PTPRT: variants seen among roughly 807,000 people sequenced by gnomAD.
The protein encoded by PTPRT is receptor-type tyrosine-protein phosphatase T.
PTPRT carries 56 observed loss-of-function variants against 176.8 expected under a neutral mutation model. That is an observed-to-expected ratio of 0.32 (90% CI 0.26 to 0.40). PTPRT has a LOEUF of 0.40. Ranked by LOEUF, PTPRT falls within the 10% of genes least tolerant of loss-of-function variation. PTPRT has a pLI of 1.00. For synonymous variants in PTPRT, 783 were observed against 739.0 expected, an observed-to-expected ratio of 1.06 and a Z score of -0.96; for missense variants, 1,540 against 1,908.2, an observed-to-expected ratio of 0.81 and a Z score of 3.60.
At chr20:42,597,160 A>C (rs2073685507) in intron 7 of PTPRT, among the ~76,000 whole-genome samples, 1 of 152,158 alleles carries the variant, frequency 6.6e-6, no homozygotes, top group Non-Finnish European at 1.5e-5. Flanking sequence ...TTGCAGCTGC[A>C]GACTTTTTGA....
At chr20:42,282,590 G>T (rs2057158919) in intron 12 of PTPRT, 65 bp from the exon 13 acceptor site, 5 of 1,281,966 alleles carry the variant, frequency 3.9e-6, no homozygotes, top group Admixed American at 1.9e-5. Context: ...GTTATATAAA[G>T]ACAAAAATAC....
rs545422320 is a variant in PTPRT at position 42,076,711 on chromosome 20, G to C, written c.*4168C>G. On this transcript the variant is annotated 3_prime_UTR_variant, in exon 31 of 31. Transcript: ENST00000373187. ...CCGTCATAGCGGGGTGAACAGAACAGAACAACATGAGGAACAGAGCACATT... is the reference window on the plus strand; with the variant it reads ...CCGTCATAGCGGGGTGAACAGAACACAACAACATGAGGAACAGAGCACATT... 5.0e-6 allele frequency: 1 copy of C among 198,680 alleles called. No homozygotes were observed. Among genetic ancestry groups the C allele is most frequent in the African/African-American group, 2.5e-5 (1 of 40,664 alleles). 12.3% of individuals were successfully genotyped at this position (198,680 alleles called of 1,614,324 possible). A position where few individuals can be genotyped will look rare whatever the true frequency, so the allele number is the denominator to read the frequency against.
chr20:42,913,580 C>T (rs1444860513), intron 1 of PTPRT, among the ~76,000 whole-genome samples: 1 of 152,120 alleles, frequency 6.6e-6, no homozygotes, highest in Admixed American at 6.5e-5. Flanking sequence ...TTCTGAGTTA[C>T]TGGGGATTAG....
chr20:42,931,567 T>C (rs902054309), intron 1 of PTPRT, among the ~76,000 whole-genome samples: 1 of 152,172 alleles, frequency 6.6e-6, no homozygotes, highest in Non-Finnish European at 1.5e-5. Flanking sequence ...GGTAAGGAGA[T>C]GGTTCTGCTC....
At chr20:42,909,927 G>A (rs149170809) in intron 1 of PTPRT, among the ~76,000 whole-genome samples, 112 of 152,256 alleles carry the variant, frequency 7.4e-4, no homozygotes, top group African/African-American at 2.6e-3. Flanking sequence ...GTTAAAATTT[G>A]CTGATGCCAA....
chr20:42,122,276 T>G (rs1343266521), intron 19 of PTPRT, among the ~76,000 whole-genome samples: 2 of 152,234 alleles, frequency 1.3e-5, no homozygotes, highest in African/African-American at 4.8e-5. Flanking sequence ...ATTCTAAGAT[T>G]TAACATATAT....
intron 6 of PTPRT, among the ~76,000 whole-genome samples, chr20:42,735,705 T>G (rs2076529645): frequency 6.6e-6 from 1 of 151,946 alleles, no homozygotes; most frequent in African/African-American, 2.4e-5. Flanking sequence ...AGGCAGTGGC[T>G]GCAGCTCCTG....
chr20:42,746,199 A>G (rs1465666093), intron 6 of PTPRT, among the ~76,000 whole-genome samples: 5 of 152,226 alleles, frequency 3.3e-5, no homozygotes, highest in African/African-American at 1.2e-4. Context: ...TTTTAAAAAT[A>G]AGCTGGTCTT....
intron 13 of PTPRT, among the ~76,000 whole-genome samples, chr20:42,275,567 T>C (rs1472489430): frequency 6.6e-6 from 1 of 151,674 alleles, no homozygotes; most frequent in Non-Finnish European, 1.5e-5. Context: ...GGTATGGAAG[T>C]GGGGTATGGA....
At chr20:42,177,118 C>T (rs1990326121) in intron 16 of PTPRT, among the ~76,000 whole-genome samples, 1 of 152,196 alleles carries the variant, frequency 6.6e-6, no homozygotes, top group African/African-American at 2.4e-5. Context: ...TAGACCAATG[C>T]TTCTCAAGGT....
At chr20:43,165,597 A>C (rs1342439880) in intron 1 of PTPRT, among the ~76,000 whole-genome samples, 1 of 152,174 alleles carries the variant, frequency 6.6e-6, no homozygotes, top group Non-Finnish European at 1.5e-5. Context: ...ACCTAGTCTC[A>C]GGTATTGCTT....
intron 9 of PTPRT, among the ~76,000 whole-genome samples, chr20:42,364,180 T>C (rs534397830): frequency 1.3e-5 from 2 of 152,282 alleles, no homozygotes; most frequent in East Asian, 3.9e-4. Context: ...AGAGGCCAAG[T>C]CAGGGATCAG....
At chr20:42,597,701 C>T (rs1234323662) in intron 7 of PTPRT, among the ~76,000 whole-genome samples, 1 of 152,164 alleles carries the variant, frequency 6.6e-6, no homozygotes, top group Non-Finnish European at 1.5e-5. Flanking sequence ...TGCCATGCTT[C>T]CTGTACAGCC....
intron 6 of PTPRT, among the ~76,000 whole-genome samples, chr20:42,731,358 G>T (rs1379565670): frequency 6.6e-6 from 1 of 152,214 alleles, no homozygotes; most frequent in East Asian, 1.9e-4. Flanking sequence ...TGTGCTAAAT[G>T]CTTCCAGAAT....
chr20:42,618,453 A>G lies in PTPRT; in HGVS notation c.1153+59413T>C, dbSNP rs1353448147. On this transcript the variant is annotated intron_variant, in intron 7 of 30. Transcript: ENST00000373187. Reference sequence around the variant, plus strand: ...GTGGAGAGTTCTGTAGATGTCTATTAGGTCCGCTTGGTGCAGAGCTGAGTT... The same window carrying G: ...GTGGAGAGTTCTGTAGATGTCTATTGGGTCCGCTTGGTGCAGAGCTGAGTT... 1.5e-5 allele frequency among the ~76,000 whole-genome samples: 2 copies of G among 135,682 alleles called. 1 individual carries two copies. The highest frequency in any genetic ancestry group is 6.6e-5 in the African/African-American group (2 of 30,240). 89.0% of individuals were successfully genotyped at this position (135,682 alleles called of 152,430 possible).
chr20:42,565,295 A>G (rs1183656624), intron 7 of PTPRT, among the ~76,000 whole-genome samples: 1 of 152,208 alleles, frequency 6.6e-6, no homozygotes, highest in Non-Finnish European at 1.5e-5. Flanking sequence ...CTGTCCGCCT[A>G]GGTGCACAAG....
chr20:42,978,396 C>T (rs993320015), intron 1 of PTPRT, among the ~76,000 whole-genome samples: 1 of 152,146 alleles, frequency 6.6e-6, no homozygotes, highest in Non-Finnish European at 1.5e-5. Context: ...TGAGAGAATA[C>T]AGGGTCAAAG....
intron 14 of PTPRT, among the ~76,000 whole-genome samples, chr20:42,243,226 G>C (rs2056389966): frequency 6.6e-6 from 1 of 152,104 alleles, no homozygotes; most frequent in African/African-American, 2.4e-5. Flanking sequence ...AACAGGTTGG[G>C]GAGTAGGTAA....
At chr20:42,417,226 C>A (rs80247389) in intron 9 of PTPRT, among the ~76,000 whole-genome samples, 390 of 152,232 alleles carry the variant, frequency 2.6e-3, no homozygotes, top group African/African-American at 9.0e-3. Context: ...GCTGAAATTC[C>A]TCTTGGCAGA....
Sources: gnomAD v4.1 joint callset for allele counts (sites outside exome capture counted in the v4.1 genomes callset) on GRCh38, gnomAD v4.1.1 for gene constraint, MANE v1.5 for transcripts, NCBI Gene and HGNC (gene_info 2026-07-23, HGNC 2026-07-21) for gene names.